Variants in PHAF1 observed in about 807,000 individuals in gnomAD.
PHAF1 encodes the protein phagosome assembly factor 1.
A neutral mutation model predicts 63.1 loss-of-function variants in PHAF1; 23 were observed. That is an observed-to-expected ratio of 0.36 (90% CI 0.26 to 0.52). The LOEUF (loss-of-function observed/expected upper bound fraction) is 0.52, where lower values mean the gene tolerates loss of function less well. PHAF1 is among the 20% of genes least tolerant of loss of function. PHAF1 has a pLI of 0.93. For missense variants in PHAF1, 427 were observed against 517.2 expected (o/e 0.83, Z 1.69); for synonymous variants, 167 against 185.0 (o/e 0.90, Z 0.79).
At chr16:67,123,702 G>A (rs1963075423) in intron 2 of PHAF1, among the ~76,000 whole-genome samples, 1 of 152,182 alleles carries the variant, frequency 6.6e-6, no homozygotes, top group African/African-American at 2.4e-5. Flanking sequence ...CCCAGCCAAT[G>A]TGATGCTTCT....
rs574879814 is a variant in PHAF1, at chr16:67,124,820, G to A, written c.148-1139G>A. 1.6e-4 allele frequency among the ~76,000 whole-genome samples: 24 copies of A among 151,818 alleles called. No individual in the cohort carries two copies. The East Asian group carries it at 4.1e-3, about 26-fold the overall frequency. ...CGGGAGGCTGAGGCAGGAGAATGGTGTGAACCCAGGAGGTGGAGGTTGCAG... is the reference window on the plus strand; with the variant it reads ...CGGGAGGCTGAGGCAGGAGAATGGTATGAACCCAGGAGGTGGAGGTTGCAG... On this transcript the variant is annotated intron_variant, in intron 2 of 15. Transcript: ENST00000219139.
In PHAF1 at chr16:67,147,227, T is replaced by G; in HGVS notation, c.*96T>G. On this transcript the variant is annotated 3_prime_UTR_variant, in exon 16 of 16. Coordinates refer to ENST00000219139, the MANE Select transcript of PHAF1 (RefSeq NM_025187.5). ...CACCCTGTGGGTTTTCTTGGACACC[T>G]GGCCAGTGCTGAAGGGCTGTTGTGA... is the stretch of plus-strand genomic sequence containing the variant. 8.3e-7 allele frequency: 1 copy of G among 1,206,702 alleles called. No homozygotes were observed. The allele number at this position is 1,206,702 out of a possible 1,614,324, so 74.7% of individuals were successfully genotyped here. A position where few individuals can be genotyped will look rare whatever the true frequency, so the allele number is the denominator to read the frequency against.
At chr16:67,114,563 G>GAAA (rs766952691) in intron 1 of PHAF1, among the ~76,000 whole-genome samples, 5 of 105,704 alleles carry the variant, frequency 4.7e-5, no homozygotes, top group Admixed American at 9.6e-5. Context: ...AATGAAAGAA[G>GAAA]AAAAAAAAAA....
intron 3 of PHAF1, 40 bp from the exon 4 acceptor site, chr16:67,131,246 T>A: frequency 8.2e-7 from 1 of 1,217,748 alleles, no homozygotes; most frequent in Non-Finnish European, 1.2e-6. Context: ...TAGTCTGTCA[T>A]CACTTTCAGA....
intron 1 of PHAF1, among the ~76,000 whole-genome samples, chr16:67,114,410 G>T (rs1002369933): frequency 2.0e-5 from 3 of 151,798 alleles, no homozygotes; most frequent in Non-Finnish European, 4.4e-5. Flanking sequence ...GATAGAGAGG[G>T]ATTATAGAAA....
At position 67,147,292 on chromosome 16, in the gene PHAF1, G is replaced by T; in HGVS notation, c.*161G>T. ...GCTCAGGCTGGGTGCTCTGCCATGG[G>T]CTGAGTGGCCCAGATATTCTTCTGT... On this transcript the variant is annotated 3_prime_UTR_variant, in exon 16 of 16. Transcript: ENST00000219139. The T allele has an allele frequency of 1.6e-6, 1 of 630,482 alleles. No homozygotes were observed. The allele number at this position is 630,482 out of a possible 1,614,324, so 39.1% of individuals were successfully genotyped here.
chr16:67,115,361 G>A (rs1364344572), intron 1 of PHAF1, among the ~76,000 whole-genome samples: 3 of 152,338 alleles, frequency 2.0e-5, no homozygotes, highest in Middle Eastern at 3.4e-3. Context: ...CCTAAAGTGC[G>A]AACAAGAGGC....
chr16:67,139,763 A>AT (rs1963736594), intron 8 of PHAF1: 2 of 550,910 alleles, frequency 3.6e-6, no homozygotes, highest in East Asian at 5.9e-5. Flanking sequence ...CCAGAGCTTC[A>AT]TGTCACATGT....
At chr16:67,119,228 CTGCAGAATTATGCAGTCAG>C (rs929457935) in intron 1 of PHAF1, among the ~76,000 whole-genome samples, 1 of 152,212 alleles carries the variant, frequency 6.6e-6, no homozygotes, top group Non-Finnish European at 1.5e-5. Flanking sequence ...AAACCTGGGT[CTGCAGAATTATGCAGTCAG>C]TGCTTTTCTT....
At chr16:67,134,590 T>C in intron 8 of PHAF1, 123 bp downstream of exon 8, 1 of 900,386 alleles carries the variant, frequency 1.1e-6, no homozygotes, top group South Asian at 1.3e-5. Flanking sequence ...TACCATAAAC[T>C]GAGTGGCTGC....
At chr16:67,139,369 G>A (rs77019039) in intron 8 of PHAF1, among the ~76,000 whole-genome samples, 1 of 15,502 alleles carries the variant, frequency 6.5e-5, no homozygotes, top group East Asian at 1.7e-3. Context: ...TTTTTTTTTT[G>A]AGACTGTCTC....
At chr16:67,129,375 C>A (rs1963306102) in intron 3 of PHAF1, among the ~76,000 whole-genome samples, 1 of 152,234 alleles carries the variant, frequency 6.6e-6, no homozygotes, top group East Asian at 1.9e-4. Flanking sequence ...CATTCCAGTG[C>A]TGTGACGGCC....
chr16:67,130,041 A>G (rs1399712870), intron 3 of PHAF1, among the ~76,000 whole-genome samples: 1 of 151,750 alleles, frequency 6.6e-6, no homozygotes, highest in African/African-American at 2.4e-5. Context: ...AAAATAAGCT[A>G]TTTTCTTTCT....
chr16:67,115,727 G>A (rs959312531), intron 1 of PHAF1, among the ~76,000 whole-genome samples: 1 of 152,170 alleles, frequency 6.6e-6, no homozygotes, highest in African/African-American at 2.4e-5. Context: ...TCCTTTACCA[G>A]TAGCTGTGTG....
intron 1 of PHAF1, among the ~76,000 whole-genome samples, chr16:67,117,184 C>G (rs1962769637): frequency 6.6e-6 from 1 of 150,384 alleles, no homozygotes; most frequent in African/African-American, 2.5e-5. Flanking sequence ...AGGCACACAC[C>G]ACCATGCCCA....
At chr16:67,113,912 AG>A (rs1350507689) in intron 1 of PHAF1, among the ~76,000 whole-genome samples, 3 of 151,872 alleles carry the variant, frequency 2.0e-5, no homozygotes, top group Admixed American at 1.3e-4. Flanking sequence ...GATGTTGACC[AG>A]GCTGGTCTCG....
At chr16:67,146,145 G>C (rs1033666591) in intron 14 of PHAF1, 133 bp from the exon 15 acceptor site, 3 of 840,176 alleles carry the variant, frequency 3.6e-6, no homozygotes, top group South Asian at 1.4e-5. Flanking sequence ...GCAGGCCTGT[G>C]TGGGAAACAG....
At chr16:67,146,406 G>A in intron 15 of PHAF1, 56 bp downstream of exon 15, 1 of 1,539,058 alleles carries the variant, frequency 6.5e-7, no homozygotes, top group Non-Finnish European at 9.0e-7. Context: ...GTCATGGCAG[G>A]GCCAGGTGAA....
At chr16:67,146,035 C>T (rs2030027459) in intron 14 of PHAF1, among the ~76,000 whole-genome samples, 1 of 152,150 alleles carries the variant, frequency 6.6e-6, no homozygotes, top group East Asian at 1.9e-4. Flanking sequence ...CTCTTGACTC[C>T]TCGCCACCCT....
Sources: gnomAD v4.1 joint callset for allele counts (sites outside exome capture counted in the v4.1 genomes callset) on GRCh38, gnomAD v4.1.1 for gene constraint, MANE v1.5 for transcripts, NCBI Gene and HGNC (gene_info 2026-07-23, HGNC 2026-07-21) for gene names.